Variants in MEGF11 observed in about 807,000 individuals in gnomAD.
The protein encoded by MEGF11 is multiple EGF like domains 11.
A neutral mutation model predicts 146.6 loss-of-function variants in MEGF11; 126 were observed. The observed-to-expected ratio is 0.86, with a 90% CI of 0.74 to 1.00. The LOEUF is 1.00. Ranked by LOEUF, MEGF11 falls within the 50% of genes least tolerant of loss-of-function variation. MEGF11 has a pLI of 0.00. For missense variants in MEGF11, 1,509 were observed against 1,521.2 expected (o/e 0.99, Z 0.13); for synonymous variants, 532 against 583.4 (o/e 0.91, Z 1.27).
intron 1 of MEGF11, among the ~76,000 whole-genome samples, chr15:66,161,517 C>A (rs1307151084): frequency 6.6e-6 from 1 of 152,148 alleles, no homozygotes; most frequent in East Asian, 1.9e-4. Flanking sequence ...CCTTAAGTGG[C>A]TGGGACTACA....
chr15:65,982,408 C>G lies in MEGF11; in HGVS notation c.475G>C (p.Gly159Arg). The change falls in exon 6 of 26, where the codon GGC becomes CGC. Residue 159 changes from glycine (G) to arginine (R), a missense_variant. Gly to Arg is a moderately radical substitution (Grantham distance 125, BLOSUM62 -2). Coordinates refer to ENST00000395614, the MANE Select transcript of MEGF11 (RefSeq NM_001385028.1). The surrounding 1 kb of genome is among the most constrained non-coding windows in gnomAD (Gnocchi z 5.6). Reference sequence around the variant, plus strand: ...AAGCCGGCGGCGCACACGCAGGCGCCTGTGATGGGGTTACACAGGGCGCCG... The same window carrying G: ...AAGCCGGCGGCGCACACGCAGGCGCGTGTGATGGGGTTACACAGGGCGCCG... Reference protein sequence around the residue: ...QNGALCNPITGACVCAAGFRG... With the variant: ...QNGALCNPITRACVCAAGFRG... 1 of 1,535,512 alleles carries G rather than the reference C, an allele frequency of 6.5e-7. No homozygotes were observed. Among genetic ancestry groups the G allele is most frequent in the Non-Finnish European group, 8.7e-7 (1 of 1,143,272 alleles).
chr15:66,179,023 C>T (rs1178329054), intron 1 of MEGF11, among the ~76,000 whole-genome samples: 1 of 152,146 alleles, frequency 6.6e-6, no homozygotes, highest in Non-Finnish European at 1.5e-5. Flanking sequence ...GTGTCTACTG[C>T]TGCTAATTAA....
At chr15:66,102,218 G>A (rs376070708) in intron 4 of MEGF11, among the ~76,000 whole-genome samples, 184 of 2,162 alleles carry the variant, frequency 0.085, 3 homozygotes, top group South Asian at 0.27. Flanking sequence ...TTTCTCGGCC[G>A]AGCTGTTCGA....
In MEGF11 at chr15:65,915,554, C is replaced by T; in HGVS notation, c.2389G>A (p.Glu797Lys). ...TCACAGGTGGAGTTGTTCATGCACT[C>T]ACATAGCTGCTGACACCCATAGCCA... is the stretch of plus-strand genomic sequence containing the variant. Reference protein sequence around the residue: ...TFGYGCQQLCECMNNSTCDHV... With the variant: ...TFGYGCQQLCKCMNNSTCDHV... Residue 797 changes from glutamate (E) to lysine (K), a missense_variant, in exon 19 of 26, where the codon GAG becomes AAG. Coordinates refer to ENST00000395614, the MANE Select transcript of MEGF11 (RefSeq NM_001385028.1). 2 of 1,613,958 alleles carry T rather than the reference C, an allele frequency of 1.2e-6. No individual in the cohort carries two copies. The highest frequency in any genetic ancestry group is 1.7e-6 in the Non-Finnish European group (2 of 1,179,874).
At chr15:66,200,658 G>A (rs2091134113) in intron 1 of MEGF11, among the ~76,000 whole-genome samples, 1 of 152,202 alleles carries the variant, frequency 6.6e-6, no homozygotes, top group Non-Finnish European at 1.5e-5. Flanking sequence ...CACTGGAAGA[G>A]TCAAAAGAGA....
At chr15:66,022,858 A>G (rs1375730310) in intron 5 of MEGF11, among the ~76,000 whole-genome samples, 1 of 151,678 alleles carries the variant, frequency 6.6e-6, no homozygotes, top group Non-Finnish European at 1.5e-5. Flanking sequence ...AAAAAAAAAA[A>G]AAAAAAATTG....
In MEGF11 at chr15:66,019,691, T is replaced by A. The variant is rs531292064; in HGVS notation, c.395-37203A>T. Among the ~76,000 whole-genome samples the A allele has an allele frequency of 2.6e-5, 4 of 152,376 alleles. No individual in the cohort carries two copies. In the South Asian group the frequency reaches 6.2e-4, roughly 24 times the overall value. ...TGGAGAATTGGGTTGGAATACTGCT[T>A]GCTGGGTGACCTCGGGTATGCGACC... On this transcript the variant is annotated intron_variant, in intron 5 of 25. Coordinates refer to ENST00000395614, the MANE Select transcript of MEGF11 (RefSeq NM_001385028.1).
At chr15:65,985,897 A>G (rs146788968) in intron 5 of MEGF11, among the ~76,000 whole-genome samples, 1 of 151,962 alleles carries the variant, frequency 6.6e-6, no homozygotes. Context: ...CTTTCTCACA[A>G]CACAGACTGG....
chr15:66,222,219 G>GGTATATC (rs2140166714), intron 1 of MEGF11, among the ~76,000 whole-genome samples: 1 of 152,116 alleles, frequency 6.6e-6, no homozygotes, highest in South Asian at 2.1e-4. Flanking sequence ...TCAGCACACA[G>GGTATATC]GTATATCTCC....
At chr15:66,123,611 TC>T (rs928427990) in intron 3 of MEGF11, among the ~76,000 whole-genome samples, 4 of 152,136 alleles carry the variant, frequency 2.6e-5, no homozygotes, top group African/African-American at 9.7e-5. Flanking sequence ...TAAGAGATGT[TC>T]CTGCCATCCC....
chr15:66,233,551 G>A (rs1379069427), intron 1 of MEGF11, among the ~76,000 whole-genome samples: 7 of 152,052 alleles, frequency 4.6e-5, no homozygotes, highest in African/African-American at 1.7e-4. Context: ...GTACTATTAT[G>A]ATTATTCTCA....
intron 4 of MEGF11, among the ~76,000 whole-genome samples, chr15:66,109,319 G>A (rs1361310268): frequency 6.6e-6 from 1 of 152,048 alleles, no homozygotes; most frequent in East Asian, 1.9e-4. Context: ...TAAACCCCTT[G>A]TTGACCTCAT....
intron 2 of MEGF11, among the ~76,000 whole-genome samples, chr15:66,124,698 G>T (rs1252161189): frequency 6.6e-6 from 1 of 152,222 alleles, no homozygotes; most frequent in Non-Finnish European, 1.5e-5. Context: ...ATATGTCCCT[G>T]ATAGAATTGG....
At chr15:65,906,034 C>CTT in intron 24 of MEGF11, 51 bp downstream of exon 24, 1 of 1,481,578 alleles carries the variant, frequency 6.7e-7, no homozygotes, top group Admixed American at 1.8e-5. Flanking sequence ...GATCTGCACT[C>CTT]TTTATCTTGC....
At chr15:66,237,465 T>C (rs1439176275) in intron 1 of MEGF11, among the ~76,000 whole-genome samples, 4 of 152,048 alleles carry the variant, frequency 2.6e-5, no homozygotes, top group African/African-American at 9.6e-5. Context: ...CAAATACTCC[T>C]GCAGAGTAGT....
chr15:65,899,972 G>C (rs1011522237), intron 24 of MEGF11, among the ~76,000 whole-genome samples: 7 of 152,174 alleles, frequency 4.6e-5, no homozygotes, highest in African/African-American at 1.7e-4. Context: ...AGTTACGGAA[G>C]GAAAGGGGAT....
At chr15:66,075,959 G>T (rs2085559115) in intron 5 of MEGF11, among the ~76,000 whole-genome samples, 1 of 152,114 alleles carries the variant, frequency 6.6e-6, no homozygotes, top group Admixed American at 6.6e-5. Flanking sequence ...CCTTAGGGCA[G>T]GGACAAGGGA....
intron 1 of MEGF11, among the ~76,000 whole-genome samples, chr15:66,197,848 G>A (rs1301729381): frequency 6.6e-6 from 1 of 152,090 alleles, no homozygotes; most frequent in Non-Finnish European, 1.5e-5. Flanking sequence ...CCTCTTTAAC[G>A]AATTCTCCTG....
intron 10 of MEGF11, among the ~76,000 whole-genome samples, chr15:65,952,924 AC>A (rs1846045798): frequency 6.6e-6 from 1 of 151,768 alleles, no homozygotes; most frequent in African/African-American, 2.4e-5. Context: ...CTCTCTTCCC[AC>A]CCCCATCTCT....
Sources: allele counts gnomAD v4.1 joint callset (sites outside exome capture counted in the v4.1 genomes callset), GRCh38; gene constraint gnomAD v4.1.1; non-coding constraint Gnocchi (gnomAD v3.1); transcripts MANE v1.5; gene names NCBI Gene and HGNC (gene_info 2026-07-23, HGNC 2026-07-21).